UNC13C: variants seen among roughly 807,000 people sequenced by gnomAD.
UNC13C encodes unc-13 homolog C, also known as protein unc-13 homolog C.
In UNC13C, 174 loss-of-function variants were observed where a neutral mutation model predicts 245.4. That is an observed-to-expected ratio of 0.71 (90% CI 0.63 to 0.80). The LOEUF (loss-of-function observed/expected upper bound fraction) is 0.80, where lower values mean the gene tolerates loss of function less well. UNC13C is among the 30% of genes least tolerant of loss of function. UNC13C has a pLI of 0.00. For synonymous variants in UNC13C, 992 were observed against 895.1 expected, an observed-to-expected ratio of 1.11 and a Z score of -1.93; for missense variants, 2,829 against 2,602.9, an observed-to-expected ratio of 1.09 and a Z score of -1.89.
At chr15:54,091,681 C>A (rs2141137207) in intron 2 of UNC13C, among the ~76,000 whole-genome samples, 1 of 152,126 alleles carries the variant, frequency 6.6e-6, no homozygotes, top group East Asian at 1.9e-4. Flanking sequence ...GTATATAAAG[C>A]CACTATCAAT....
chr15:53,967,349 G>GT, the UNC13C span, among the ~76,000 whole-genome samples: 9 of 149,258 alleles, frequency 6.0e-5, no homozygotes, highest in South Asian at 6.3e-4. Context: ...GTTTTGTTTT[G>GT]TTTTTTTTCG....
At chr15:53,847,556 A>C in the UNC13C span, among the ~76,000 whole-genome samples, 1 of 148,136 alleles carries the variant, frequency 6.8e-6, no homozygotes, top group Non-Finnish European at 1.5e-5. Context: ...AGTAGAGATG[A>C]GGTTTCACCA....
chr15:53,925,132 A>G, the UNC13C span, among the ~76,000 whole-genome samples: 1 of 152,156 alleles, frequency 6.6e-6, no homozygotes, highest in Admixed American at 6.5e-5. Flanking sequence ...TGTTTACATT[A>G]TTTTGTGTCT....
At chr15:54,454,803 TTCA>T (rs1555467213) in intron 19 of UNC13C, among the ~76,000 whole-genome samples, 9 of 31,878 alleles carry the variant, frequency 2.8e-4, no homozygotes, top group African/African-American at 9.7e-4. Flanking sequence ...ATTTTATTTA[TTCA>T]TTCATTCATT....
chr15:54,437,645 T>G (rs192778763), intron 19 of UNC13C, among the ~76,000 whole-genome samples: 1 of 152,012 alleles, frequency 6.6e-6, no homozygotes, highest in East Asian at 1.9e-4. Flanking sequence ...TTAAGGCATA[T>G]CAGAGAGTAG....
chr15:54,221,851 A>C (rs1260911090), intron 4 of UNC13C, among the ~76,000 whole-genome samples: 1 of 152,132 alleles, frequency 6.6e-6, no homozygotes, highest in Non-Finnish European at 1.5e-5. Flanking sequence ...CTAAATAACT[A>C]TCAACTGTCC....
At chr15:54,360,826 C>A (rs1416510002) in intron 17 of UNC13C, among the ~76,000 whole-genome samples, 1 of 152,092 alleles carries the variant, frequency 6.6e-6, no homozygotes. Context: ...GAGAAATTCT[C>A]TGAAAGGTGT....
chr15:54,081,484 A>G (rs777596248), intron 2 of UNC13C, among the ~76,000 whole-genome samples: 22 of 152,060 alleles, frequency 1.4e-4, no homozygotes, highest in Non-Finnish European at 2.6e-4. Context: ...CTGGGTTTGT[A>G]TATACTTAGG....
the UNC13C span, among the ~76,000 whole-genome samples, chr15:53,965,868 C>T: frequency 6.6e-6 from 1 of 152,146 alleles, no homozygotes; most frequent in African/African-American, 2.4e-5. Flanking sequence ...TTTCCAATTT[C>T]ATCCATGTCC....
At chr15:53,903,290 G>A in the UNC13C span, among the ~76,000 whole-genome samples, 1 of 152,132 alleles carries the variant, frequency 6.6e-6, no homozygotes, top group African/African-American at 2.4e-5. Context: ...AAATAAAAGG[G>A]CTCAGACATA....
At chr15:54,306,232 A>G (rs1014344822) in intron 13 of UNC13C, among the ~76,000 whole-genome samples, 2 of 152,028 alleles carry the variant, frequency 1.3e-5, no homozygotes, top group African/African-American at 2.4e-5. Context: ...TACCTGTTAC[A>G]TAAAAATGAC....
At chr15:54,343,732 A>G (rs1039652547) in intron 17 of UNC13C, among the ~76,000 whole-genome samples, 3 of 152,226 alleles carry the variant, frequency 2.0e-5, no homozygotes, top group East Asian at 3.8e-4. Context: ...TACTATTACA[A>G]TAGTTACACA....
chr15:53,982,859 A>G (rs1452230034), intron 1 of UNC13C, among the ~76,000 whole-genome samples: 3 of 152,178 alleles, frequency 2.0e-5, no homozygotes, highest in Non-Finnish European at 4.4e-5. Flanking sequence ...TGCACTGTGC[A>G]GACTCTGTAG....
At chr15:54,383,748 A>G (rs55821327) in intron 17 of UNC13C, among the ~76,000 whole-genome samples, 29,576 of 152,058 alleles carry the variant, frequency 0.19, 2,931 homozygotes, top group Middle Eastern at 0.23. Flanking sequence ...AAATGACATG[A>G]TCTTAGGTCC....
At chr15:54,200,384 AT>A (rs1478594039) in intron 4 of UNC13C, among the ~76,000 whole-genome samples, 1 of 152,072 alleles carries the variant, frequency 6.6e-6, no homozygotes, top group Non-Finnish European at 1.5e-5. Context: ...TACACATTTT[AT>A]TCATCAGCAC....
intron 13 of UNC13C, among the ~76,000 whole-genome samples, chr15:54,301,248 A>T (rs1051620413): frequency 6.6e-6 from 1 of 151,510 alleles, no homozygotes; most frequent in African/African-American, 2.4e-5. Context: ...CATCTTAATG[A>T]TGAATGAAGA....
chr15:53,927,218 G>A, the UNC13C span, among the ~76,000 whole-genome samples: 1 of 152,168 alleles, frequency 6.6e-6, no homozygotes, highest in African/African-American at 2.4e-5. Flanking sequence ...ATGGAATCAG[G>A]ATTTAACCTA....
chr15:54,575,691 C>T (rs997468866), intron 30 of UNC13C, among the ~76,000 whole-genome samples: 20 of 152,162 alleles, frequency 1.3e-4, no homozygotes, highest in African/African-American at 4.3e-4. Flanking sequence ...CAACTTAATA[C>T]TGATTTTAAA....
At chr15:53,873,137 G>T in the UNC13C span, among the ~76,000 whole-genome samples, 3 of 87,190 alleles carry the variant, frequency 3.4e-5, no homozygotes, top group African/African-American at 8.3e-5. Flanking sequence ...ACAGGGACAC[G>T]TTTTTTTTTT....
Sources: allele counts gnomAD v4.1 joint callset (sites outside exome capture counted in the v4.1 genomes callset), GRCh38; gene constraint gnomAD v4.1.1; transcripts MANE v1.5; gene names NCBI Gene and HGNC (gene_info 2026-07-23, HGNC 2026-07-21).